ENTREP2: variants seen among roughly 807,000 people sequenced by gnomAD.
The protein encoded by ENTREP2 is protein ENTREP2.
the ENTREP2 span, among the ~76,000 whole-genome samples, chr15:29,438,956 CT>C: frequency 1.3e-5 from 2 of 152,098 alleles, no homozygotes; most frequent in South Asian, 4.1e-4. Flanking sequence ...TGTATTTCCC[CT>C]GAAGGCAATG....
chr15:29,186,539 GCATTAGAC>G, the ENTREP2 span, among the ~76,000 whole-genome samples: 1 of 152,182 alleles, frequency 6.6e-6, no homozygotes, highest in Non-Finnish European at 1.5e-5. Flanking sequence ...ACAGCACATT[GCATTAGAC>G]CTTAAAAATG....
the ENTREP2 span, among the ~76,000 whole-genome samples, chr15:29,616,337 G>T: frequency 6.6e-6 from 1 of 152,064 alleles, no homozygotes; most frequent in African/African-American, 2.4e-5. Context: ...GAGAAGACAA[G>T]TCCTCTGACA....
chr15:29,326,294 T>C, the ENTREP2 span, among the ~76,000 whole-genome samples: 2 of 152,192 alleles, frequency 1.3e-5, no homozygotes, highest in African/African-American at 2.4e-5. Flanking sequence ...ACTGTCTTTG[T>C]TCATAAATGA....
At chr15:29,356,296 A>AT in the ENTREP2 span, among the ~76,000 whole-genome samples, 486 of 34,390 alleles carry the variant, frequency 0.014, 89 homozygotes, top group South Asian at 0.026. Flanking sequence ...ATATATATAT[A>AT]TTTTTTTTTT....
the ENTREP2 span, chr15:29,123,400 G>A: frequency 6.5e-7 from 1 of 1,548,522 alleles, no homozygotes; most frequent in East Asian, 2.5e-5. Flanking sequence ...CTCCTCGTTG[G>A]TGACAGCCAA....
the ENTREP2 span, among the ~76,000 whole-genome samples, chr15:29,621,314 G>C: frequency 6.6e-6 from 1 of 151,846 alleles, no homozygotes; most frequent in Non-Finnish European, 1.5e-5. Flanking sequence ...ACGAGGTCAG[G>C]AGATCGAGAC....
At chr15:29,616,965 C>T in the ENTREP2 span, among the ~76,000 whole-genome samples, 2 of 152,124 alleles carry the variant, frequency 1.3e-5, no homozygotes, top group Non-Finnish European at 2.9e-5. Flanking sequence ...GAGGCTGAGG[C>T]AAGAGAATCA....
At chr15:29,243,107 T>C in the ENTREP2 span, among the ~76,000 whole-genome samples, 1 of 152,218 alleles carries the variant, frequency 6.6e-6, no homozygotes, top group Non-Finnish European at 1.5e-5. Flanking sequence ...TGGCTGAGTT[T>C]ATGTTGTAAG....
the ENTREP2 span, among the ~76,000 whole-genome samples, chr15:29,642,762 G>A: frequency 3.0e-4 from 45 of 151,968 alleles, no homozygotes; most frequent in Non-Finnish European, 5.4e-4. Context: ...GTAGGCACAC[G>A]CCACGACACA....
the ENTREP2 span, among the ~76,000 whole-genome samples, chr15:29,469,843 C>T: frequency 6.6e-6 from 1 of 152,096 alleles, no homozygotes; most frequent in Non-Finnish European, 1.5e-5. Context: ...CTGGAAGGGA[C>T]CCAGCAGGTC....
At chr15:29,672,865 G>T in the ENTREP2 span, among the ~76,000 whole-genome samples, 2 of 152,128 alleles carry the variant, frequency 1.3e-5, no homozygotes, top group African/African-American at 4.8e-5. Context: ...AGGGTTCTTG[G>T]ATCTCACGCA....
the ENTREP2 span, among the ~76,000 whole-genome samples, chr15:29,439,314 CACACACACACACACACACAA>C: frequency 4.0e-5 from 6 of 149,948 alleles, no homozygotes; most frequent in African/African-American, 1.2e-4. Flanking sequence ...CACACACACA[CACACACACACACACACACAA>C]ACAGTAGAGG....
chr15:29,667,130 T>A, the ENTREP2 span, among the ~76,000 whole-genome samples: 1 of 152,130 alleles, frequency 6.6e-6, no homozygotes, highest in African/African-American at 2.4e-5. Context: ...TATTTCCAAA[T>A]AAAGTCACAT....
At chr15:29,439,114 A>G in the ENTREP2 span, among the ~76,000 whole-genome samples, 1 of 152,182 alleles carries the variant, frequency 6.6e-6, no homozygotes, top group Non-Finnish European at 1.5e-5. Context: ...GAGCTCAACT[A>G]GCACCCTGGT....
the ENTREP2 span, among the ~76,000 whole-genome samples, chr15:29,499,137 A>G: frequency 6.6e-6 from 1 of 152,156 alleles, no homozygotes; most frequent in Non-Finnish European, 1.5e-5. Flanking sequence ...ATGCATTTAC[A>G]TTCAAGGTAA....
chr15:29,473,484 T>C, the ENTREP2 span, among the ~76,000 whole-genome samples: 1 of 152,132 alleles, frequency 6.6e-6, no homozygotes, highest in Non-Finnish European at 1.5e-5. Context: ...CAAAGTCCAT[T>C]CTGTACTGTG....
chr15:29,326,816 A>C, the ENTREP2 span, among the ~76,000 whole-genome samples: 2 of 152,190 alleles, frequency 1.3e-5, no homozygotes, highest in Non-Finnish European at 2.9e-5. Flanking sequence ...AAAGATTTAC[A>C]ATAAAAATAG....
At chr15:29,669,980 T>C in the ENTREP2 span, among the ~76,000 whole-genome samples, 1 of 152,172 alleles carries the variant, frequency 6.6e-6, no homozygotes, top group Admixed American at 6.6e-5. Flanking sequence ...GTCCCTGCAA[T>C]CCCCATGCGT....
the ENTREP2 span, among the ~76,000 whole-genome samples, chr15:29,368,913 T>A: frequency 1.3e-5 from 2 of 151,812 alleles, no homozygotes; most frequent in Non-Finnish European, 2.9e-5. Context: ...AATTATAGAT[T>A]GAAAAGTACG....
Sources: allele counts gnomAD v4.1 joint callset (sites outside exome capture counted in the v4.1 genomes callset), GRCh38; gene constraint gnomAD v4.1.1; transcripts MANE v1.5; gene names NCBI Gene and HGNC (gene_info 2026-07-23, HGNC 2026-07-21).